Variants in OSBP2 observed in about 807,000 individuals in gnomAD.
OSBP2 encodes oxysterol-binding protein 2.
Under a neutral mutation model 96.0 loss-of-function variants are expected in OSBP2, and 66 were observed. The ratio of observed to expected loss-of-function variants is 0.69; its 90% confidence interval spans 0.56 to 0.84. The LOEUF is 0.84. Ranked by LOEUF, OSBP2 falls within the 40% of genes least tolerant of loss-of-function variation. OSBP2 has a pLI of 0.00. For missense variants in OSBP2, 1,038 were observed against 1,222.7 expected (o/e 0.85, Z 2.25); for synonymous variants, 525 against 520.9 (o/e 1.01, Z -0.11).
intron 3 of OSBP2, among the ~76,000 whole-genome samples, chr22:30,879,844 G>A (rs907316251): frequency 6.6e-6 from 1 of 152,150 alleles, no homozygotes; most frequent in Non-Finnish European, 1.5e-5. Context: ...TTGAGGTCAG[G>A]AGTTTGAGAC....
At chr22:30,743,996 C>T (rs1175042598) in intron 2 of OSBP2, among the ~76,000 whole-genome samples, 1 of 152,216 alleles carries the variant, frequency 6.6e-6, no homozygotes, top group African/African-American at 2.4e-5. Flanking sequence ...AGAGGGCAGC[C>T]TTCTGGGCAA....
intron 2 of OSBP2, among the ~76,000 whole-genome samples, chr22:30,745,727 C>T (rs1461242941): frequency 7.2e-6 from 1 of 139,188 alleles, no homozygotes; most frequent in Non-Finnish European, 1.6e-5. Flanking sequence ...AATAGAAAAA[C>T]CAATAGAGAG....
At chr22:30,831,676 G>T (rs1242314005) in intron 2 of OSBP2, among the ~76,000 whole-genome samples, 1 of 152,162 alleles carries the variant, frequency 6.6e-6, no homozygotes, top group Non-Finnish European at 1.5e-5. Context: ...TGGGGGTGAT[G>T]CTGGCACTGC....
rs574636226 is a variant in OSBP2, at chr22:30,899,410, A to T, written c.2375+5409A>T. Among the ~76,000 whole-genome samples, 12 of 152,012 alleles carry T rather than the reference A, an allele frequency of 7.9e-5. No individual in the cohort carries two copies. The South Asian group carries it at 2.5e-3, about 32-fold the overall frequency. ...CAAAGCAGACCCTATCTCAAAAAAA[A>T]AAAAAAAAGAAAAAGAACTGACTCT... On this transcript the variant is annotated intron_variant, in intron 12 of 13. Transcript: ENST00000332585.
At chr22:30,761,022 A>G (rs1331503986) in intron 2 of OSBP2, among the ~76,000 whole-genome samples, 1 of 152,228 alleles carries the variant, frequency 6.6e-6, no homozygotes, top group African/African-American at 2.4e-5. Context: ...ATGTAGTGAT[A>G]GAAGACTGAA....
chr22:30,819,586 T>C (rs2146973879), intron 2 of OSBP2, among the ~76,000 whole-genome samples: 1 of 152,344 alleles, frequency 6.6e-6, no homozygotes, highest in South Asian at 2.1e-4. Context: ...TTCAGCTAGG[T>C]TGTAGATTTT....
chr22:30,798,477 T>C (rs1196304860), intron 2 of OSBP2, among the ~76,000 whole-genome samples: 1 of 152,248 alleles, frequency 6.6e-6, no homozygotes, highest in Non-Finnish European at 1.5e-5. Context: ...TTTGGTATCA[T>C]ACCCAAGAAA....
upstream of OSBP2, among the ~76,000 whole-genome samples, chr22:30,694,549 C>CTCCG (rs1442272470): frequency 1.3e-5 from 2 of 152,138 alleles, no homozygotes; most frequent in East Asian, 3.9e-4. Context: ...AGCTGGCGGG[C>CTCCG]TCCGCATTCA....
At chr22:30,739,006 G>A (rs1373742762) in intron 1 of OSBP2, among the ~76,000 whole-genome samples, 1 of 152,206 alleles carries the variant, frequency 6.6e-6, no homozygotes, top group Non-Finnish European at 1.5e-5. Flanking sequence ...GTCACTGGCA[G>A]TATTAAATGC....
At chr22:30,792,128 A>G (rs564127100) in intron 2 of OSBP2, among the ~76,000 whole-genome samples, 3 of 152,278 alleles carry the variant, frequency 2.0e-5, no homozygotes, top group Non-Finnish European at 2.9e-5. Flanking sequence ...CCTAGCCAAC[A>G]TGGTGAAACC....
intron 1 of OSBP2, among the ~76,000 whole-genome samples, chr22:30,713,228 G>A (rs772823869): frequency 2.0e-5 from 3 of 151,408 alleles, no homozygotes; most frequent in Non-Finnish European, 2.9e-5. Flanking sequence ...ACAGGCGCCC[G>A]CCACCACGCC....
intron 2 of OSBP2, among the ~76,000 whole-genome samples, chr22:30,825,414 C>T (rs2038377529): frequency 6.6e-6 from 1 of 152,158 alleles, no homozygotes; most frequent in Non-Finnish European, 1.5e-5. Context: ...CCCTACTCAC[C>T]TGGCAAGGTT....
At chr22:30,743,274 T>A (rs2089962740) in intron 2 of OSBP2, among the ~76,000 whole-genome samples, 2 of 152,266 alleles carry the variant, frequency 1.3e-5, no homozygotes, top group African/African-American at 4.8e-5. Context: ...CATGTTGGGG[T>A]CTGTCTCCCA....
At chr22:30,772,867 A>G (rs2090369493) in intron 2 of OSBP2, among the ~76,000 whole-genome samples, 3 of 148,100 alleles carry the variant, frequency 2.0e-5, no homozygotes, top group African/African-American at 7.5e-5. Context: ...GTCTTGGCTC[A>G]CTGTAACCTC....
chr22:30,819,400 C>T (rs913195293), intron 2 of OSBP2, among the ~76,000 whole-genome samples: 12 of 152,100 alleles, frequency 7.9e-5, no homozygotes, highest in Non-Finnish European at 1.8e-4. Context: ...CTCACGCATA[C>T]GGTTATATGA....
At chr22:30,799,109 CT>C (rs1263828368) in intron 2 of OSBP2, among the ~76,000 whole-genome samples, 1 of 148,956 alleles carries the variant, frequency 6.7e-6, no homozygotes, top group Non-Finnish European at 1.5e-5. Flanking sequence ...TCCTTCCTTC[CT>C]TCCTTTCTTT....
rs1227841888 is a variant in OSBP2 at position 30,881,074 on chromosome 22, C to A, written c.1108-6352C>A. On this transcript the variant is annotated intron_variant, in intron 3 of 13. Transcript: ENST00000332585. This position sits in a 1 kb window ranked among gnomAD's most constrained non-coding sequence, Gnocchi z 4.5. ...TGGTTCTCACTCTGCTTGGGGGCAA[C>A]TCGACAGGCTCCCTGCCCTCCCCAT... Among the ~76,000 whole-genome samples, 2 of 152,168 alleles carry A rather than the reference C, an allele frequency of 1.3e-5. No homozygotes were observed. Among genetic ancestry groups the A allele is most frequent in the Non-Finnish European group, 2.9e-5 (2 of 68,008 alleles).
At chr22:30,717,582 A>G (rs991089929) in intron 1 of OSBP2, among the ~76,000 whole-genome samples, 10 of 152,198 alleles carry the variant, frequency 6.6e-5, no homozygotes, top group African/African-American at 2.2e-4. Flanking sequence ...CTCACTAGCT[A>G]TAAAGCCCTG....
intron 1 of OSBP2, among the ~76,000 whole-genome samples, chr22:30,731,963 G>A (rs566172214): frequency 1.1e-4 from 16 of 152,302 alleles, no homozygotes; most frequent in Non-Finnish European, 2.1e-4. Flanking sequence ...GTCTGCATGT[G>A]TTGTTGGCCT....
Sources: gnomAD v4.1 joint callset for allele counts (sites outside exome capture counted in the v4.1 genomes callset) on GRCh38, gnomAD v4.1.1 for gene constraint, Gnocchi (gnomAD v3.1) non-coding constraint, MANE v1.5 for transcripts, NCBI Gene and HGNC (gene_info 2026-07-23, HGNC 2026-07-21) for gene names.